SLC1A1: variants seen among roughly 807,000 people sequenced by gnomAD.
The protein encoded by SLC1A1 is excitatory amino acid transporter 3.
In SLC1A1, 43 loss-of-function variants were observed where a neutral mutation model predicts 53.3. The ratio of observed to expected loss-of-function variants is 0.81; its 90% CI spans 0.63 to 1.04. SLC1A1 has a LOEUF of 1.04. SLC1A1 is among the 50% of genes least tolerant of loss of function. The pLI is 0.00. For missense variants in SLC1A1, 748 were observed against 664.9 expected, an observed-to-expected ratio of 1.12 and a Z score of -1.37; for synonymous variants, 307 against 243.2, an observed-to-expected ratio of 1.26 and a Z score of -2.44.
chr9:4,521,648 T>C, intron 1 of SLC1A1, among the ~76,000 whole-genome samples: 1 of 152,110 alleles, frequency 6.6e-6, no homozygotes, highest in East Asian at 1.9e-4. Context: ...TTTGAGACGG[T>C]ATGGTAAGAA....
chr9:4,584,503 G>C (rs147157026), intron 11 of SLC1A1, among the ~76,000 whole-genome samples: 44 of 152,290 alleles, frequency 2.9e-4, no homozygotes, highest in African/African-American at 1.0e-3. Context: ...TCAATCCCTG[G>C]ACTTGTTCTA....
chr9:4,515,113 G>A (rs1821121470), intron 1 of SLC1A1, among the ~76,000 whole-genome samples: 1 of 151,718 alleles, frequency 6.6e-6, no homozygotes, highest in Non-Finnish European at 1.5e-5. Context: ...CTCCAGCATG[G>A]CAGCTTCAAG....
At chr9:4,524,126 C>G (rs561473431) in intron 1 of SLC1A1, among the ~76,000 whole-genome samples, 2 of 152,250 alleles carry the variant, frequency 1.3e-5, no homozygotes, top group South Asian at 2.1e-4. Context: ...GCTAATTGAT[C>G]CTATGTGCAT....
At chr9:4,563,828 T>C (rs771551924) in intron 3 of SLC1A1, among the ~76,000 whole-genome samples, 1 of 152,152 alleles carries the variant, frequency 6.6e-6, no homozygotes, top group Admixed American at 6.6e-5. Flanking sequence ...AACAGCATTT[T>C]CCTACATGAC....
intron 2 of SLC1A1, chr9:4,560,064 G>GA (rs1564038555): frequency 1.3e-5 from 2 of 152,116 alleles, no homozygotes; most frequent in Non-Finnish European, 2.9e-5. Context: ...TTTGAAGTGA[G>GA]ATCTAACAAT....
chr9:4,528,384 A>C (rs1224489062), intron 1 of SLC1A1, among the ~76,000 whole-genome samples: 2 of 152,148 alleles, frequency 1.3e-5, no homozygotes, highest in African/African-American at 4.8e-5. Flanking sequence ...CATCCTGGCT[A>C]ACATGGTGAA....
intron 1 of SLC1A1, among the ~76,000 whole-genome samples, chr9:4,531,109 G>T (rs964707817): frequency 1.3e-5 from 2 of 152,206 alleles, no homozygotes; most frequent in Non-Finnish European, 2.9e-5. Flanking sequence ...AAGAGCTCCA[G>T]TCTACAGCTC....
At chr9:4,530,111 A>G (rs976951356) in intron 1 of SLC1A1, among the ~76,000 whole-genome samples, 3 of 152,170 alleles carry the variant, frequency 2.0e-5, no homozygotes, top group African/African-American at 4.8e-5. Flanking sequence ...TTTTTCTCTT[A>G]TTTTTATTTG....
chr9:4,562,664 G>T (rs10815023), intron 3 of SLC1A1, among the ~76,000 whole-genome samples: 17 of 151,810 alleles, frequency 1.1e-4, no homozygotes, highest in Non-Finnish European at 4.4e-5. Context: ...GAGAATATGT[G>T]GTGTTTGGTT....
intron 1 of SLC1A1, among the ~76,000 whole-genome samples, chr9:4,515,944 G>A (rs1821147363): frequency 6.6e-6 from 1 of 152,176 alleles, no homozygotes; most frequent in African/African-American, 2.4e-5. Context: ...GTTCCCTGGA[G>A]TAAAAGAGTC....
intron 1 of SLC1A1, among the ~76,000 whole-genome samples, chr9:4,528,761 C>T (rs1338725272): frequency 6.6e-6 from 1 of 151,802 alleles, no homozygotes; most frequent in Non-Finnish European, 1.5e-5. Context: ...TCCGAGTTGG[C>T]TGTAATATAT....
At chr9:4,567,979 G>A (rs898961202) in intron 6 of SLC1A1, among the ~76,000 whole-genome samples, 4 of 152,150 alleles carry the variant, frequency 2.6e-5, no homozygotes, top group South Asian at 2.1e-4. Flanking sequence ...TGAGTCACCC[G>A]ACAGGCACGT....
At chr9:4,537,822 T>G (rs1180418358) in intron 1 of SLC1A1, among the ~76,000 whole-genome samples, 2 of 151,894 alleles carry the variant, frequency 1.3e-5, no homozygotes, top group African/African-American at 4.8e-5. Flanking sequence ...GGGGGGGTAA[T>G]GGAAATACTG....
At chr9:4,507,446 T>C (rs576352787) in intron 1 of SLC1A1, among the ~76,000 whole-genome samples, 4 of 152,210 alleles carry the variant, frequency 2.6e-5, no homozygotes, top group Non-Finnish European at 5.9e-5. Flanking sequence ...AAGTTCCTTA[T>C]GAATGTTTGT....
intron 6 of SLC1A1, among the ~76,000 whole-genome samples, chr9:4,569,341 T>A (rs1819806688): frequency 6.6e-6 from 1 of 152,240 alleles, no homozygotes; most frequent in Admixed American, 6.5e-5. Context: ...CACATCAATG[T>A]TTTTATAACA....
chr9:4,503,842 C>T (rs1263402242), intron 1 of SLC1A1, among the ~76,000 whole-genome samples: 3 of 149,492 alleles, frequency 2.0e-5, no homozygotes, highest in Non-Finnish European at 4.4e-5. Context: ...TTACAACCTT[C>T]TTCACTGAAG....
intron 1 of SLC1A1, among the ~76,000 whole-genome samples, chr9:4,531,356 C>A (rs1816462623): frequency 6.6e-6 from 1 of 152,158 alleles, no homozygotes; most frequent in South Asian, 2.1e-4. Flanking sequence ...TCACTCCCAC[C>A]CTAATATTGC....
At chr9:4,494,831 C>T (rs1820358207) in intron 1 of SLC1A1, among the ~76,000 whole-genome samples, 1 of 152,056 alleles carries the variant, frequency 6.6e-6, no homozygotes, top group South Asian at 2.1e-4. Flanking sequence ...TATCCTCACC[C>T]TATTCACAAT....
At chr9:4,559,264 G>A (rs892840192) in intron 2 of SLC1A1, among the ~76,000 whole-genome samples, 1 of 152,134 alleles carries the variant, frequency 6.6e-6, no homozygotes, top group African/African-American at 2.4e-5. Flanking sequence ...ATTCTAGAAT[G>A]TGACTATTGC....
Sources: gnomAD v4.1 joint callset for allele counts (sites outside exome capture counted in the v4.1 genomes callset) on GRCh38, gnomAD v4.1.1 for gene constraint, MANE v1.5 for transcripts, NCBI Gene and HGNC (gene_info 2026-07-23, HGNC 2026-07-21) for gene names.